Variants in DEPDC1 observed in about 807,000 individuals in gnomAD.
The protein encoded by DEPDC1 is DEP domain containing 1, also known as DEP domain-containing protein 1A.
A neutral mutation model predicts 86.8 loss-of-function variants in DEPDC1; 66 were observed. That is an observed-to-expected ratio of 0.76 (90% CI 0.62 to 0.93). The LOEUF (loss-of-function observed/expected upper bound fraction) is 0.93, where lower values mean the gene tolerates loss of function less well. Ranked by LOEUF, DEPDC1 falls within the 40% of genes least tolerant of loss-of-function variation. The pLI is 0.00. For synonymous variants in DEPDC1, 255 were observed against 314.9 expected (o/e 0.81, Z 2.02); for missense variants, 792 against 935.7 (o/e 0.85, Z 2.00).
In DEPDC1 at chr1:68,476,048, C is replaced by G. The variant is rs1646112877; in HGVS notation, c.*884G>C. 6.6e-6 allele frequency: 1 copy of G among 151,922 alleles called. No homozygotes were observed. Among genetic ancestry groups the G allele is most frequent in the African/African-American group, 2.4e-5 (1 of 41,544 alleles). 9.4% of individuals were successfully genotyped at this position (151,922 alleles called of 1,614,324 possible). The stretch of plus-strand genomic sequence containing the variant: ...ACCTGTTCCATCATCATAGAAGTCA[C>G]TCTTTAGCTGAATGATTCTATATGC... On this transcript the variant is annotated 3_prime_UTR_variant, in exon 12 of 12. Transcript: ENST00000456315.
intron 10 of DEPDC1, among the ~76,000 whole-genome samples, chr1:68,478,548 A>G (rs17130704): frequency 0.018 from 2,702 of 151,952 alleles, 73 homozygotes; most frequent in African/African-American, 0.062. Flanking sequence ...AGCCAGGGCA[A>G]TATTAGAATG....
Position 68,494,705 on chromosome 1 carries a change from G to A in DEPDC1, c.49-10C>T, listed in dbSNP as rs1646253143. The stretch of plus-strand genomic sequence containing the variant: ...TGGTAACTTCATTCCACTGTAAAAA[G>A]AAGGAAAATATTTTTAAAAAATTGA... On this transcript the variant is annotated splice_polypyrimidine_tract_variant and intron_variant, in intron 1 of 11. Coordinates refer to ENST00000456315, the MANE Select transcript of DEPDC1 (RefSeq NM_001114120.3). The A allele has an allele frequency of 6.3e-7, 1 of 1,593,740 alleles. No homozygotes were observed. The highest frequency in any genetic ancestry group is 1.4e-5 in the African/African-American group (1 of 73,680).
Position 68,479,241 on chromosome 1 carries a change from A to T in DEPDC1, c.2015T>A (p.Val672Asp). 6.2e-7 allele frequency: 1 copy of T among 1,612,702 alleles called. No homozygotes were observed. The highest frequency in any genetic ancestry group is 1.1e-5 in the South Asian group (1 of 91,030). ...CTGATGATGATCCATTAAGAAAGAA[A>T]CTAATCTTCCAGCAAGAAGCTCATC... Reference protein sequence around the residue: ...DLDELLAGRLVSFLMDHHQEI... With the variant: ...DLDELLAGRLDSFLMDHHQEI... Residue 672 changes from valine to aspartate, a missense_variant, in exon 10 of 12, where the codon GTT (valine) becomes GAT (aspartate). Transcript: ENST00000456315.
At chr1:68,486,509 TGACA>T (rs1646193579) in intron 6 of DEPDC1, among the ~76,000 whole-genome samples, 1 of 151,918 alleles carries the variant, frequency 6.6e-6, no homozygotes, top group South Asian at 2.1e-4. Context: ...ACTAATACAA[TGACA>T]GATAATCTTT....
At chr1:68,484,937 C>CAT (rs71581173) in intron 6 of DEPDC1, among the ~76,000 whole-genome samples, 50,827 of 147,646 alleles carry the variant, frequency 0.34, 9,225 homozygotes, top group Middle Eastern at 0.6. Flanking sequence ...CTTCTGGAGG[C>CAT]ATATATATAT....
In DEPDC1 at chr1:68,494,696, C is replaced by T. The variant is rs1646253065; in HGVS notation, c.49-1G>A. On this transcript the variant is annotated splice_acceptor_variant, in intron 1 of 11. Coordinates refer to ENST00000456315, the MANE Select transcript of DEPDC1 (RefSeq NM_001114120.3). LOFTEE classifies it high-confidence loss of function. ...GAAAAGATGTGGTAACTTCATTCCA[C>T]TGTAAAAAGAAGGAAAATATTTTTA... The T allele has an allele frequency of 6.2e-7, 1 of 1,603,846 alleles. No individual in the cohort carries two copies. Among genetic ancestry groups the T allele is most frequent in the Non-Finnish European group, 8.5e-7 (1 of 1,174,822 alleles).
At position 68,482,585 on chromosome 1, in the gene DEPDC1, T is replaced by C. The variant is rs1261510361; in HGVS notation, c.1223A>G (p.Asn408Ser). The part of the protein sequence containing the change: ...GSCHNLIGLS[N>S]MHDLSSNSKP... ...GCTGTTAGAGGATAGATCATGCATA[T>C]TACTTAACCCTATTAAATTATGACA... Residue 408 changes from asparagine to serine, a missense_variant, in exon 8 of 12, where the codon AAT becomes AGT. Physicochemically the swap from Asn to Ser is conservative, Grantham distance 46. Coordinates refer to ENST00000456315, the MANE Select transcript of DEPDC1 (RefSeq NM_001114120.3). The C allele has an allele frequency of 1.2e-6, 2 of 1,612,986 alleles. No homozygotes were observed. Among genetic ancestry groups the C allele is most frequent in the African/African-American group, 1.3e-5 (1 of 74,886 alleles).
At chr1:68,478,348 G>A (rs1200486428) in intron 10 of DEPDC1, among the ~76,000 whole-genome samples, 5 of 151,784 alleles carry the variant, frequency 3.3e-5, no homozygotes, top group South Asian at 2.1e-4. Context: ...AACAATCTAA[G>A]TGTTATTCTA....
At position 68,497,015 on chromosome 1, in the gene DEPDC1, C is replaced by G. The variant is rs749350901; in HGVS notation, c.-16G>C. 7 of 1,610,974 alleles carry G rather than the reference C, an allele frequency of 4.3e-6. No individual in the cohort carries two copies. The Admixed American group carries it at 1.2e-4, about 27-fold the overall frequency. ...GACTCTCCATAGGTCTGTCAGCGCCCGGTGGCGTCCATGGCGGCGAAGGCG... is the reference window on the plus strand; with the variant it reads ...GACTCTCCATAGGTCTGTCAGCGCCGGGTGGCGTCCATGGCGGCGAAGGCG... On this transcript the variant is annotated 5_prime_UTR_variant, in exon 1 of 12. Transcript: ENST00000456315.
chr1:68,490,519 T>C (rs1281944275), intron 2 of DEPDC1, among the ~76,000 whole-genome samples: 2 of 152,334 alleles, frequency 1.3e-5, no homozygotes, highest in Non-Finnish European at 2.9e-5. Context: ...ACATTCAGGT[T>C]GACTCATTGT....
At chr1:68,483,138 A>G in intron 7 of DEPDC1, 1 of 552,436 alleles carries the variant, frequency 1.8e-6, no homozygotes, top group Non-Finnish European at 3.2e-6. Flanking sequence ...AAATTATTTC[A>G]ACAGCCTAAT....
rs1269044284 is a variant in DEPDC1 at position 68,474,388 on chromosome 1, A to C, written c.*2544T>G. On this transcript the variant is annotated 3_prime_UTR_variant, in exon 12 of 12. Transcript: ENST00000456315. ...TAAGTCAGTGGGAAATTCCATGTAC[A>C]TTCCATTACTAAATGCCACATAACT... The C allele has an allele frequency of 6.6e-6, 1 of 152,092 alleles. No individual in the cohort carries two copies. Among genetic ancestry groups the C allele is most frequent in the Non-Finnish European group, 1.5e-5 (1 of 68,002 alleles). 9.4% of individuals were successfully genotyped at this position (152,092 alleles called of 1,614,324 possible). A position where few individuals can be genotyped will look rare whatever the true frequency, so the allele number is the denominator to read the frequency against.
intron 7 of DEPDC1, 32 bp downstream of exon 7, chr1:68,483,918 A>G: frequency 7.6e-7 from 1 of 1,312,266 alleles, no homozygotes; most frequent in South Asian, 1.7e-5. Flanking sequence ...ACTTTAACAA[A>G]ATGAACTAAA....
intron 1 of DEPDC1, among the ~76,000 whole-genome samples, chr1:68,495,259 T>C (rs1356943522): frequency 1.3e-5 from 2 of 152,240 alleles, no homozygotes; most frequent in Non-Finnish European, 1.5e-5. Context: ...TCTAAGATCC[T>C]TATTTAAGAT....
In DEPDC1 at chr1:68,477,770, C is replaced by T. The variant is rs370728656; in HGVS notation, c.2298+17G>A. On this transcript the variant is annotated intron_variant, in intron 11 of 11. Transcript: ENST00000456315. ...TAGAAAATGTTTACATGATTGAGAA[C>T]TTGCTCATTCTCTTACCTGTTTTAG... 3 of 1,427,566 alleles carry T rather than the reference C, an allele frequency of 2.1e-6. No individual in the cohort carries two copies. The highest frequency in any genetic ancestry group is 2.4e-5 in the East Asian group (1 of 42,026). The allele number at this position is 1,427,566 out of a possible 1,614,324, so 88.4% of individuals were successfully genotyped here. A position where few individuals can be genotyped will look rare whatever the true frequency, so the allele number is the denominator to read the frequency against.
chr1:68,482,569 G>C lies in DEPDC1; in HGVS notation c.1239C>G (p.Ser413=). ...AACAGCACCTTGGTTTGCTGTTAGA[G>C]GATAGATCATGCATATTACTTAACC... is the stretch of plus-strand genomic sequence containing the variant. ...LIGLSNMHDL[S]SNSKPRCCSL... The change falls in exon 8 of 12, where the codon TCC becomes TCG. Residue 413 remains serine, a synonymous_variant. Transcript: ENST00000456315. The C allele has an allele frequency of 6.2e-7, 1 of 1,613,114 alleles. No homozygotes were observed. Among genetic ancestry groups the C allele is most frequent in the Non-Finnish European group, 8.5e-7 (1 of 1,179,344 alleles).
At chr1:68,477,194 AT>A in intron 11 of DEPDC1, 125 bp from the exon 12 acceptor site, 2 of 689,214 alleles carry the variant, frequency 2.9e-6, no homozygotes, top group Non-Finnish European at 4.5e-6. Context: ...GTATCCTTTC[AT>A]TTTATCCTTG....
At chr1:68,481,982 G>T in intron 8 of DEPDC1, 64 bp downstream of exon 8, 1 of 1,447,164 alleles carries the variant, frequency 6.9e-7, no homozygotes, top group Non-Finnish European at 9.2e-7. Flanking sequence ...AGCCAGGTAA[G>T]CAAAACACAG....
In DEPDC1 at chr1:68,481,114, A is replaced by G. The variant is rs1646152323; in HGVS notation, c.1935+326T>C. On this transcript the variant is annotated intron_variant, in intron 9 of 11. Transcript: ENST00000456315. ...TCCTTAGGCTTTCAACAGTACCTAC[A>G]TTTCTTCTTCCTTATCCACCAAACA... 2.6e-5 allele frequency among the ~76,000 whole-genome samples: 4 copies of G among 152,062 alleles called. No individual in the cohort carries two copies. In the South Asian group the frequency reaches 8.3e-4, roughly 32 times the overall value.
Sources: allele counts gnomAD v4.1 joint callset (sites outside exome capture counted in the v4.1 genomes callset), GRCh38; gene constraint gnomAD v4.1.1; transcripts MANE v1.5; gene names NCBI Gene and HGNC (gene_info 2026-07-23, HGNC 2026-07-21).